SV2C: variants seen among roughly 807,000 people sequenced by gnomAD.
The protein encoded by SV2C is solute carrier family 22 member B3.
A neutral mutation model predicts 79.7 loss-of-function variants in SV2C; 49 were observed. The observed-to-expected ratio is 0.61, with a 90% CI of 0.49 to 0.78. SV2C has a LOEUF of 0.78. SV2C is among the 30% of genes least tolerant of loss of function. The probability of loss-of-function intolerance (pLI) is 0.00; values close to 1 mark genes in which losing one functional copy is unlikely to be tolerated. For missense variants in SV2C, 833 were observed against 912.9 expected (o/e 0.91, Z 1.13); for synonymous variants, 334 against 333.2 (o/e 1.00, Z -0.03).
At chr5:76,137,801 G>A (rs1561232248) in intron 2 of SV2C, among the ~76,000 whole-genome samples, 1 of 152,090 alleles carries the variant, frequency 6.6e-6, no homozygotes, top group African/African-American at 2.4e-5. Context: ...AGATGTGCTT[G>A]TTCTACAGAG....
chr5:75,929,050 A>T, the SV2C span, among the ~76,000 whole-genome samples: 1 of 151,946 alleles, frequency 6.6e-6, no homozygotes, highest in Non-Finnish European at 1.5e-5. Context: ...CTAGGTTTCA[A>T]ATTCTCTCTG....
At chr5:76,274,139 C>A (rs1367171635) in intron 4 of SV2C, among the ~76,000 whole-genome samples, 3 of 152,166 alleles carry the variant, frequency 2.0e-5, no homozygotes, top group Non-Finnish European at 2.9e-5. Flanking sequence ...AATAGTGGCA[C>A]AATTATAATT....
chr5:76,202,980 A>T (rs2112342747), intron 3 of SV2C, among the ~76,000 whole-genome samples: 1 of 152,328 alleles, frequency 6.6e-6, no homozygotes, highest in African/African-American at 2.4e-5. Context: ...TTCTGGAAAA[A>T]TTTAAAATTA....
chr5:76,352,903 T>C (rs563869373), intron 12 of SV2C, among the ~76,000 whole-genome samples: 5 of 152,122 alleles, frequency 3.3e-5, no homozygotes, highest in African/African-American at 1.2e-4. Flanking sequence ...TCTTATAGAA[T>C]CTAAGCATAT....
chr5:76,072,655 C>A, the SV2C span, among the ~76,000 whole-genome samples: 3 of 152,188 alleles, frequency 2.0e-5, no homozygotes, highest in East Asian at 3.9e-4. Flanking sequence ...AATAGTAGTT[C>A]TACTATTAGT....
intron 2 of SV2C, among the ~76,000 whole-genome samples, chr5:76,139,245 C>CT (rs1246858030): frequency 6.6e-6 from 1 of 151,862 alleles, no homozygotes; most frequent in African/African-American, 2.4e-5. Context: ...GTGCCCTGAC[C>CT]TAAAGATTTA....
At chr5:75,863,808 C>T in the SV2C span, among the ~76,000 whole-genome samples, 1 of 152,176 alleles carries the variant, frequency 6.6e-6, no homozygotes, top group South Asian at 2.1e-4. Flanking sequence ...AAATGTCACT[C>T]TTTCCTGCTG....
At chr5:76,061,526 C>A in the SV2C span, among the ~76,000 whole-genome samples, 1 of 151,994 alleles carries the variant, frequency 6.6e-6, no homozygotes, top group Non-Finnish European at 1.5e-5. Flanking sequence ...CAGCAAGGAA[C>A]CCTGTTTGAT....
At chr5:76,136,538 T>A (rs1749076397) in intron 2 of SV2C, among the ~76,000 whole-genome samples, 1 of 152,162 alleles carries the variant, frequency 6.6e-6, no homozygotes, top group African/African-American at 2.4e-5. Flanking sequence ...TGTTTTTTTT[T>A]TTCTGTGACA....
chr5:76,299,238 T>A (rs2112520529), intron 10 of SV2C, among the ~76,000 whole-genome samples: 1 of 152,344 alleles, frequency 6.6e-6, no homozygotes, highest in East Asian at 1.9e-4. Flanking sequence ...GGGTTCAAAA[T>A]CTGGTGTTTG....
intron 4 of SV2C, among the ~76,000 whole-genome samples, chr5:76,276,857 A>G (rs570015091): frequency 4.2e-4 from 64 of 152,150 alleles, no homozygotes; most frequent in African/African-American, 1.5e-3. Context: ...GTGTGAGCCA[A>G]CACATCTGGC....
At chr5:76,098,285 C>G (rs185221940) in intron 1 of SV2C, among the ~76,000 whole-genome samples, 222 of 152,288 alleles carry the variant, frequency 1.5e-3, no homozygotes, top group Middle Eastern at 6.8e-3. Flanking sequence ...GAGACTCTTA[C>G]AAAAGAGGGG....
At chr5:76,025,344 G>A in the SV2C span, among the ~76,000 whole-genome samples, 1 of 152,144 alleles carries the variant, frequency 6.6e-6, no homozygotes, top group Non-Finnish European at 1.5e-5. Flanking sequence ...GTGAGGAGGT[G>A]CAAAGCTAGT....
the SV2C span, among the ~76,000 whole-genome samples, chr5:75,950,384 G>A: frequency 2.0e-5 from 3 of 151,996 alleles, no homozygotes; most frequent in Non-Finnish European, 2.9e-5. Flanking sequence ...ACATGGAGGG[G>A]ATGAATTAGG....
the SV2C span, among the ~76,000 whole-genome samples, chr5:76,021,260 G>T: frequency 6.6e-6 from 1 of 152,082 alleles, no homozygotes; most frequent in Admixed American, 6.6e-5. Context: ...TCAGTTTTTT[G>T]AATTCATATA....
the SV2C span, among the ~76,000 whole-genome samples, chr5:75,937,380 C>T: frequency 6.6e-6 from 1 of 152,062 alleles, no homozygotes; most frequent in Non-Finnish European, 1.5e-5. Flanking sequence ...TCTTTTTCAT[C>T]ACAATCACTT....
chr5:75,867,374 G>T, the SV2C span, among the ~76,000 whole-genome samples: 1 of 152,160 alleles, frequency 6.6e-6, no homozygotes, highest in Non-Finnish European at 1.5e-5. Context: ...CTGGGACAGA[G>T]GACAGTAGGC....
chr5:76,120,337 G>GA lies in SV2C; in HGVS notation c.-101-11309dup, dbSNP rs1413135294. ...TTTTTTTTGTTTTGTTTTTTGTTTT[G>GA]AAAATTGTTCTTTTTTTCTTTTTCT... is the stretch of plus-strand genomic sequence containing the variant. On this transcript the variant is annotated intron_variant, in intron 1 of 12. Transcript: ENST00000502798. Among the ~76,000 whole-genome samples the GA allele has an allele frequency of 9.6e-5, 14 of 146,126 alleles. No homozygotes were observed. The East Asian group carries it at 2.6e-3, about 27-fold the overall frequency.
chr5:75,956,543 T>C, the SV2C span, among the ~76,000 whole-genome samples: 1 of 151,740 alleles, frequency 6.6e-6, no homozygotes, highest in Non-Finnish European at 1.5e-5. Context: ...ACTTAAAGTA[T>C]AAAAATAATA....
Sources: allele counts gnomAD v4.1 joint callset (sites outside exome capture counted in the v4.1 genomes callset), GRCh38; gene constraint gnomAD v4.1.1; transcripts MANE v1.5; gene names NCBI Gene and HGNC (gene_info 2026-07-23, HGNC 2026-07-21).